The following DLG1 variants were observed in gnomAD, a reference collection of about 807,000 sequenced individuals.
The protein encoded by DLG1 is discs large MAGUK scaffold protein 1.
In DLG1, 42 loss-of-function variants were observed where a neutral mutation model predicts 123.4. The observed-to-expected ratio is 0.34, with a 90% CI of 0.27 to 0.44. DLG1 has a LOEUF of 0.44. Among genes scored for constraint, DLG1 ranks in the 20% least tolerant of loss-of-function variants. The pLI is 1.00. For synonymous variants in DLG1, 317 were observed against 356.2 expected (o/e 0.89, Z 1.24); for missense variants, 942 against 1,082.6 (o/e 0.87, Z 1.82).
intron 22 of DLG1, among the ~76,000 whole-genome samples, chr3:197,064,766 T>C (rs961239669): frequency 2.0e-5 from 3 of 152,126 alleles, no homozygotes; most frequent in African/African-American, 7.2e-5. Flanking sequence ...ATAAAAAAAG[T>C]TTTTTAAAAA....
At chr3:197,167,988 G>A (rs1802254759) in intron 5 of DLG1, among the ~76,000 whole-genome samples, 1 of 152,144 alleles carries the variant, frequency 6.6e-6, no homozygotes, top group Admixed American at 6.5e-5. Context: ...TACTTTGATA[G>A]CCAAAATAAG....
chr3:197,274,212 G>A (rs1388088778), intron 4 of DLG1, among the ~76,000 whole-genome samples: 1 of 152,128 alleles, frequency 6.6e-6, no homozygotes, highest in Non-Finnish European at 1.5e-5. Context: ...CAAAGCTACA[G>A]TCACCAAGTG....
chr3:197,155,686 C>T (rs893363236), intron 5 of DLG1, among the ~76,000 whole-genome samples: 1 of 151,938 alleles, frequency 6.6e-6, no homozygotes, highest in Admixed American at 6.6e-5. Context: ...CCCAGCACTT[C>T]AGGTGGCCGA....
intron 4 of DLG1, among the ~76,000 whole-genome samples, chr3:197,200,467 G>T (rs930697272): frequency 3.3e-5 from 5 of 152,168 alleles, no homozygotes; most frequent in Non-Finnish European, 5.9e-5. Context: ...ATTAACATGT[G>T]TTGAGGAATG....
rs1419899468 is a variant in DLG1 at position 197,069,410 on chromosome 3, A to G, written c.2006-150T>C. The stretch of plus-strand genomic sequence containing the variant: ...TTCTTTGAAACGTTTAAGTTTTTCA[A>G]ATAATAAATATATATTAGCAAAGGA... On this transcript the variant is annotated intron_variant, in intron 18 of 24. Transcript: ENST00000667157. 3.2e-5 allele frequency: 15 copies of G among 472,984 alleles called. No individual in the cohort carries two copies. The East Asian group carries it at 5.2e-4, about 16-fold the overall frequency. 29.3% of individuals were successfully genotyped at this position (472,984 alleles called of 1,614,324 possible). A position where few individuals can be genotyped will look rare whatever the true frequency, so the allele number is the denominator to read the frequency against.
chr3:197,136,542 T>C lies in DLG1; in HGVS notation c.1020A>G (p.Ala340=). The change falls in exon 10 of 25, where the codon GCA becomes GCG. Residue 340 remains alanine (A), a splice_region_variant and synonymous_variant. Coordinates refer to ENST00000667157, the MANE Select transcript of DLG1 (RefSeq NM_001366207.1). ...GKLQIGDKLL[A]VNNVCLEEVT... ...AAGACAATAGATTTCTTATACTTAC[T>C]GCTAAAAGTTTATCTCCAATCTGAA... is the stretch of plus-strand genomic sequence containing the variant. The C allele has an allele frequency of 6.2e-7, 1 of 1,605,752 alleles. No individual in the cohort carries two copies. Among genetic ancestry groups the C allele is most frequent in the Non-Finnish European group, 8.5e-7 (1 of 1,177,174 alleles).
chr3:197,202,363 C>T (rs922376793), intron 4 of DLG1, among the ~76,000 whole-genome samples: 1 of 152,046 alleles, frequency 6.6e-6, no homozygotes, highest in Non-Finnish European at 1.5e-5. Context: ...AATATGAATT[C>T]AAATGTTTTG....
intron 23 of DLG1, among the ~76,000 whole-genome samples, chr3:197,055,915 T>C (rs1272310790): frequency 6.6e-6 from 1 of 152,208 alleles, no homozygotes; most frequent in Non-Finnish European, 1.5e-5. Flanking sequence ...AGTAATTAGC[T>C]ATCAGAGCAA....
At chr3:197,161,735 T>C in intron 5 of DLG1, 5 of 1,565,280 alleles carry the variant, frequency 3.2e-6, no homozygotes, top group Admixed American at 2.0e-5. Flanking sequence ...ACAGCTTCTG[T>C]TGGCTAAAAA....
At chr3:197,070,672 A>T (rs1743263256) in intron 18 of DLG1, 1 of 146,298 alleles carries the variant, frequency 6.8e-6, no homozygotes. Flanking sequence ...GGTTTAAGCG[A>T]TTCTATTCTT....
At chr3:197,108,481 T>G (rs971744359) in intron 13 of DLG1, among the ~76,000 whole-genome samples, 11 of 152,210 alleles carry the variant, frequency 7.2e-5, no homozygotes, top group African/African-American at 2.4e-4. Context: ...TTGTTTTAAA[T>G]CTATTAAAAT....
At chr3:197,075,792 C>A in intron 18 of DLG1, 2 of 1,573,706 alleles carry the variant, frequency 1.3e-6, no homozygotes, top group Non-Finnish European at 8.7e-7. Context: ...GGTAGGTCTG[C>A]AGATGGAGGT....
chr3:197,076,102 A>G (rs1014938785), intron 18 of DLG1, among the ~76,000 whole-genome samples: 4 of 152,208 alleles, frequency 2.6e-5, no homozygotes, highest in South Asian at 2.1e-4. Flanking sequence ...CAGGTACAGA[A>G]GCAAAATTTT....
At chr3:197,290,839 A>C (rs1774469676) in intron 3 of DLG1, among the ~76,000 whole-genome samples, 1 of 148,096 alleles carries the variant, frequency 6.8e-6, no homozygotes, top group Non-Finnish European at 1.5e-5. Flanking sequence ...CAGAGGTTGC[A>C]GTAAGCCACC....
intron 23 of DLG1, among the ~76,000 whole-genome samples, chr3:197,056,727 T>C (rs1001515994): frequency 3.3e-5 from 5 of 152,362 alleles, no homozygotes; most frequent in African/African-American, 1.2e-4. Context: ...TACAGCTTGT[T>C]ACATTTTCAC....
chr3:197,297,199 C>T lies in DLG1; in HGVS notation c.6G>A (p.Pro2=), dbSNP rs1467865368. The T allele has an allele frequency of 5.6e-6, 9 of 1,614,034 alleles. No homozygotes were observed. The highest frequency in any genetic ancestry group is 7.6e-6 in the Non-Finnish European group (9 of 1,180,018). The part of the protein sequence containing the change: M[P]VRKQDTQRAL... ...ATAAACTCTCACCTTGCTTCCGGAC[C>T]GGCATTTTTCTCCAGAATCAGGAAG... Residue 2 remains proline, a synonymous_variant, in exon 2 of 25, where the codon CCG becomes CCA. Transcript: ENST00000667157.
intron 4 of DLG1, among the ~76,000 whole-genome samples, chr3:197,249,845 A>C (rs1753514639): frequency 6.6e-6 from 1 of 152,244 alleles, no homozygotes; most frequent in South Asian, 2.1e-4. Context: ...CCAAAAAAGC[A>C]CTTGATAAAA....
chr3:197,072,533 C>T (rs1744607927), intron 18 of DLG1, among the ~76,000 whole-genome samples: 1 of 151,972 alleles, frequency 6.6e-6, no homozygotes, highest in Admixed American at 6.6e-5. Context: ...ATTTCATTTG[C>T]TTATCTTCTG....
At chr3:197,194,271 T>C (rs1721227455) in intron 5 of DLG1, 154 bp downstream of exon 5, 2 of 412,942 alleles carry the variant, frequency 4.8e-6, no homozygotes, top group Admixed American at 9.1e-5. Flanking sequence ...GGAGTACTAA[T>C]AAGCACCTTG....
Sources: gnomAD v4.1 joint callset for allele counts (sites outside exome capture counted in the v4.1 genomes callset) on GRCh38, gnomAD v4.1.1 for gene constraint, MANE v1.5 for transcripts, NCBI Gene and HGNC (gene_info 2026-07-23, HGNC 2026-07-21) for gene names.